Variants in ABCB4 observed in about 807,000 individuals in gnomAD.
ABCB4 encodes phosphatidylcholine translocator ABCB4.
ABCB4 carries 76 observed loss-of-function variants against 145.7 expected under a neutral mutation model. That is an observed-to-expected ratio of 0.52 (90% CI 0.43 to 0.63). The LOEUF is 0.63. ABCB4 is among the 30% of genes least tolerant of loss of function. The pLI, the probability that ABCB4 is intolerant of heterozygous loss-of-function variation, is 0.00. For synonymous variants in ABCB4, 517 were observed against 566.8 expected (o/e 0.91, Z 1.25); for missense variants, 1,234 against 1,553.1 (o/e 0.79, Z 3.45).
chr7:87,381,782 G>A, the ABCB4 span: 1 of 593,224 alleles, frequency 1.7e-6, no homozygotes, highest in Non-Finnish European at 2.9e-6. Flanking sequence ...ATATCCTCAA[G>A]AGGTGAGGCA....
chr7:87,391,062 G>C, the ABCB4 span, among the ~76,000 whole-genome samples: 1 of 152,210 alleles, frequency 6.6e-6, no homozygotes, highest in Admixed American at 6.5e-5. Flanking sequence ...TCACCCACGG[G>C]AACTAGTAGC....
intron 2 of ABCB4, among the ~76,000 whole-genome samples, 165 bp downstream of exon 2, chr7:87,475,221 A>G (rs1264703866): frequency 6.6e-6 from 1 of 152,216 alleles, no homozygotes; most frequent in African/African-American, 2.4e-5. Flanking sequence ...AGGCCACACA[A>G]CACGTTTGCT....
chr7:87,375,880 A>C, the ABCB4 span: 1 of 1,613,600 alleles, frequency 6.2e-7, no homozygotes, highest in East Asian at 2.2e-5. Context: ...TTGTTAGAAA[A>C]AATTCAGAGT....
In ABCB4 at chr7:87,409,115, A is replaced by G. The variant is rs1337843443; in HGVS notation, c.3081+121T>C. Reference sequence around the variant, plus strand: ...CCCAAATATTAGCTATATAAATATTACAAATTAAATGAAACACATGTTGGT... The same window carrying G: ...CCCAAATATTAGCTATATAAATATTGCAAATTAAATGAAACACATGTTGGT... On this transcript the variant is annotated intron_variant, in intron 24 of 27. Transcript: ENST00000649586. 4.9e-6 allele frequency: 6 copies of G among 1,213,682 alleles called. No individual in the cohort carries two copies. The East Asian group carries it at 1.2e-4, about 25-fold the overall frequency. The allele number at this position is 1,213,682 out of a possible 1,614,324, so 75.2% of individuals were successfully genotyped here. A position where few individuals can be genotyped will look rare whatever the true frequency, so the allele number is the denominator to read the frequency against.
chr7:87,420,154 T>C (rs148657515), intron 18 of ABCB4, 79 bp from the exon 19 acceptor site: 5 of 1,358,138 alleles, frequency 3.7e-6, no homozygotes, highest in South Asian at 3.5e-5. Flanking sequence ...TCAACTTTTA[T>C]GTAGCAAAGT....
chr7:87,439,898 C>T, intron 13 of ABCB4, 61 bp from the exon 14 acceptor site: 1 of 1,599,600 alleles, frequency 6.3e-7, no homozygotes, highest in Non-Finnish European at 8.6e-7. Flanking sequence ...GCTAGGAATT[C>T]TATAGAACTA....
At position 87,403,535 on chromosome 7, in the gene ABCB4, G is replaced by A. The variant is rs762321968; in HGVS notation, c.3487-254C>T. Among the ~76,000 whole-genome samples, 5 of 152,028 alleles carry A rather than the reference G, an allele frequency of 3.3e-5. No homozygotes were observed. In the East Asian group the frequency reaches 5.8e-4, roughly 18 times the overall value. On this transcript the variant is annotated intron_variant, in intron 26 of 27. Transcript: ENST00000649586. ...ACTCTAAAATAACAAATGCTATAAC[G>A]GATATATGAATCAATAAGTCATTTG...
intron 16 of ABCB4, among the ~76,000 whole-genome samples, chr7:87,425,117 T>C (rs1366870823): frequency 6.6e-6 from 1 of 152,170 alleles, no homozygotes; most frequent in Non-Finnish European, 1.5e-5. Flanking sequence ...TTTTCTTTGG[T>C]TACTGCTCTT....
intron 8 of ABCB4, among the ~76,000 whole-genome samples, chr7:87,447,913 A>G (rs1411797564): frequency 6.6e-6 from 1 of 152,216 alleles, no homozygotes; most frequent in Non-Finnish European, 1.5e-5. Context: ...TGTAGAAAGT[A>G]GTACAGTAGC....
At position 87,420,070 on chromosome 7, in the gene ABCB4, G is replaced by C; in HGVS notation, c.2322C>G (p.Phe774Leu). 1 of 1,613,934 alleles carries C rather than the reference G, an allele frequency of 6.2e-7. No individual in the cohort carries two copies. Among genetic ancestry groups the C allele is most frequent in the Non-Finnish European group, 8.5e-7 (1 of 1,179,908 alleles). The change falls in exon 19 of 28, where the codon TTC becomes TTG. Residue 774 changes from phenylalanine (F) to leucine (L), a missense_variant. Coordinates refer to ENST00000649586, the MANE Select transcript of ABCB4 (RefSeq NM_000443.4). ...ISFFTFFLQGFTFGKAGEILT... is the reference protein window; with the variant it reads ...ISFFTFFLQGLTFGKAGEILT... ...GGATCTCGCCAGCTTTCCCAAACGT[G>C]AAACCCTGGTTGAGAAAAAAGGCTA...
In ABCB4 at chr7:87,403,116, G is replaced by C; in HGVS notation, c.3633+19C>G. The C allele has an allele frequency of 6.2e-7, 1 of 1,613,482 alleles. No individual in the cohort carries two copies. The highest frequency in any genetic ancestry group is 8.5e-7 in the Non-Finnish European group (1 of 1,179,550). On this transcript the variant is annotated intron_variant, in intron 27 of 27. Transcript: ENST00000649586. ...ATTTCATAAATTAAATAAGACATAAGTTGGGAGGCCACACACACCTTTTCA... is the reference window on the plus strand; with the variant it reads ...ATTTCATAAATTAAATAAGACATAACTTGGGAGGCCACACACACCTTTTCA...
At chr7:87,460,176 C>CA (rs1812357151) in intron 4 of ABCB4, among the ~76,000 whole-genome samples, 1 of 152,188 alleles carries the variant, frequency 6.6e-6, no homozygotes, top group Admixed American at 6.5e-5. Flanking sequence ...TGCATAAATG[C>CA]ATCTCTGATT....
intron 18 of ABCB4, 136 bp downstream of exon 18, chr7:87,421,985 A>G: frequency 1.5e-6 from 1 of 683,240 alleles, no homozygotes; most frequent in East Asian, 2.7e-5. Context: ...TAAGGAGTCT[A>G]CCCTCCAGCA....
the ABCB4 span, among the ~76,000 whole-genome samples, chr7:87,384,949 G>C: frequency 2.6e-5 from 4 of 152,206 alleles, no homozygotes; most frequent in South Asian, 6.2e-4. Flanking sequence ...AGTTTTCATG[G>C]AGCCATTTAT....
At chr7:87,443,034 T>A (rs1211108518) in intron 12 of ABCB4, among the ~76,000 whole-genome samples, 1 of 152,202 alleles carries the variant, frequency 6.6e-6, no homozygotes, top group East Asian at 1.9e-4. Flanking sequence ...TTGAAAGTAA[T>A]CCTCTCAGTG....
chr7:87,421,517 T>TA lies in ABCB4; in HGVS notation c.2316+603dup, dbSNP rs1055032258. ...GTTTACTTTGCCATTGGTTCAACAA[T>TA]AATAAAAGAGAAGCATGCTGGCATG... is the stretch of plus-strand genomic sequence containing the variant. On this transcript the variant is annotated intron_variant, in intron 18 of 27. Coordinates refer to ENST00000649586, the MANE Select transcript of ABCB4 (RefSeq NM_000443.4). 2.7e-4 allele frequency among the ~76,000 whole-genome samples: 41 copies of TA among 152,252 alleles called. 1 individual carries two copies. Among genetic ancestry groups the TA allele is most frequent in the Admixed American group, 7.8e-4 (12 of 15,306 alleles).
At chr7:87,441,674 C>T (rs1422440674) in intron 12 of ABCB4, among the ~76,000 whole-genome samples, 1 of 152,102 alleles carries the variant, frequency 6.6e-6, no homozygotes, top group South Asian at 2.1e-4. Flanking sequence ...CAATAGCTCA[C>T]TGCAGCCTTG....
At chr7:87,465,373 C>T (rs1241255736) in intron 3 of ABCB4, among the ~76,000 whole-genome samples, 1 of 152,026 alleles carries the variant, frequency 6.6e-6, no homozygotes, top group East Asian at 1.9e-4. Flanking sequence ...AACAAAGCGG[C>T]CAGGAAGCTC....
At chr7:87,449,294 G>A (rs1811547843) in intron 8 of ABCB4, among the ~76,000 whole-genome samples, 1 of 151,708 alleles carries the variant, frequency 6.6e-6, no homozygotes, top group Non-Finnish European at 1.5e-5. Context: ...GTTTTCTCAG[G>A]TTTTTCTCTT....
Sources: gnomAD v4.1 joint callset for allele counts (sites outside exome capture counted in the v4.1 genomes callset) on GRCh38, gnomAD v4.1.1 for gene constraint, MANE v1.5 for transcripts, NCBI Gene and HGNC (gene_info 2026-07-23, HGNC 2026-07-21) for gene names.